Variants in FGF7 observed in about 807,000 individuals in gnomAD.
FGF7 encodes the protein FGF-7.
A neutral mutation model predicts 20.5 loss-of-function variants in FGF7; 6 were observed. The ratio of observed to expected loss-of-function variants is 0.29; its 90% CI spans 0.16 to 0.58. The LOEUF (loss-of-function observed/expected upper bound fraction) is 0.58, where lower values mean the gene tolerates loss of function less well. FGF7 is among the 20% of genes least tolerant of loss of function. The pLI, the probability that FGF7 is intolerant of heterozygous loss-of-function variation, is 0.90. For synonymous variants in FGF7, 64 were observed against 74.7 expected (o/e 0.86, Z 0.74); for missense variants, 144 against 228.8 (o/e 0.63, Z 2.39).
intron 2 of FGF7, among the ~76,000 whole-genome samples, chr15:49,442,873 C>T (rs550503614): frequency 6.6e-6 from 1 of 151,838 alleles, no homozygotes; most frequent in African/African-American, 2.4e-5. Flanking sequence ...CAAATATGTG[C>T]TGCTCACACC....
intron 2 of FGF7, among the ~76,000 whole-genome samples, chr15:49,479,696 C>T (rs953347728): frequency 4.8e-5 from 7 of 145,208 alleles, no homozygotes; most frequent in Admixed American, 3.5e-4. Flanking sequence ...TCACTGCAAC[C>T]TCCGCCTCCC....
rs546573325 is a variant in FGF7, at chr15:49,469,648, C to A, written c.287-13503C>A. ...TATTTACTTAAATTCCTTGATTTTA[C>A]TATAAGGCAGACAAAAAGTAGCCAA... On this transcript the variant is annotated intron_variant, in intron 2 of 3. Transcript: ENST00000267843. Among the ~76,000 whole-genome samples the A allele has an allele frequency of 8.7e-4, 132 of 152,142 alleles. 5 individuals are homozygous for A. In the South Asian group the frequency reaches 0.026, roughly 30 times the overall value.
At position 49,488,373 on chromosome 15, in the gene FGF7, T is replaced by C. The variant is rs1255809278; in HGVS notation, c.*3869T>C. 3 of 151,972 alleles carry C rather than the reference T, an allele frequency of 2.0e-5. No homozygotes were observed. Among genetic ancestry groups the C allele is most frequent in the African/African-American group, 7.2e-5 (3 of 41,418 alleles). The allele number at this position is 151,972 out of a possible 1,614,324, so 9.4% of individuals were successfully genotyped here. ...GGGACACATATACTCCCACCTATCC[T>C]TTAATTTTGAATGGTTTGTCAGGAA... On this transcript the variant is annotated 3_prime_UTR_variant, in exon 4 of 4. Transcript: ENST00000267843.
At chr15:49,460,587 GCC>G (rs2053703640) in intron 2 of FGF7, among the ~76,000 whole-genome samples, 1 of 152,102 alleles carries the variant, frequency 6.6e-6, no homozygotes, top group African/African-American at 2.4e-5. Context: ...GGGAGTACTG[GCC>G]AATCCCAAAA....
At chr15:49,451,502 A>ATATAAATACTAAAATTTTAGTAAAGT (rs1341559081) in intron 2 of FGF7, among the ~76,000 whole-genome samples, 1 of 152,072 alleles carries the variant, frequency 6.6e-6, no homozygotes, top group African/African-American at 2.4e-5. Flanking sequence ...AACATCAACA[A>ATATAAATACTAAAATTTTAGTAAAGT]TGAGATTAAA....
chr15:49,476,981 A>G (rs1334512662), intron 2 of FGF7, among the ~76,000 whole-genome samples: 1 of 151,262 alleles, frequency 6.6e-6, no homozygotes, highest in Non-Finnish European at 1.5e-5. Context: ...AATGGTGCAA[A>G]CCTGGGAGGC....
intron 2 of FGF7, among the ~76,000 whole-genome samples, chr15:49,475,260 GTTTA>G (rs2081668543): frequency 1.3e-5 from 2 of 152,172 alleles, no homozygotes; most frequent in Non-Finnish European, 1.5e-5. Flanking sequence ...GCAATTAGGA[GTTTA>G]TTCATGAGTT....
At position 49,484,725 on chromosome 15, in the gene FGF7, A is replaced by T. The variant is rs2056262709; in HGVS notation, c.*221A>T. On this transcript the variant is annotated 3_prime_UTR_variant, in exon 4 of 4. Transcript: ENST00000267843. ...GTATACACAAAAATCAGATTTAGTA[A>T]CTAAAGGTTGTAAAAAATTGTAAAA... The T allele has an allele frequency of 2.7e-6, 1 of 369,272 alleles. No homozygotes were observed. Among genetic ancestry groups the T allele is most frequent in the African/African-American group, 2.1e-5 (1 of 47,806 alleles). The allele number at this position is 369,272 out of a possible 1,614,324, so 22.9% of individuals were successfully genotyped here. A position where few individuals can be genotyped will look rare whatever the true frequency, so the allele number is the denominator to read the frequency against.
At chr15:49,464,158 G>A (rs903789406) in intron 2 of FGF7, among the ~76,000 whole-genome samples, 3 of 152,138 alleles carry the variant, frequency 2.0e-5, no homozygotes, top group African/African-American at 4.8e-5. Context: ...TTTTCTAAAC[G>A]AGGGTGTAGG....
rs1452638071 is a variant in FGF7 at position 49,486,480 on chromosome 15, T to C, written c.*1976T>C. On this transcript the variant is annotated 3_prime_UTR_variant, in exon 4 of 4. Transcript: ENST00000267843. ...TGTGTTTCCTTAGTGCCTAGCAGAC[T>C]ATCTGTTCATAATCAGTTTTCAGTG... 6.6e-6 allele frequency: 1 copy of C among 152,030 alleles called. No homozygotes were observed. The highest frequency in any genetic ancestry group is 1.5e-5 in the Non-Finnish European group (1 of 67,932). The allele number at this position is 152,030 out of a possible 1,614,324, so 9.4% of individuals were successfully genotyped here. A position where few individuals can be genotyped will look rare whatever the true frequency, so the allele number is the denominator to read the frequency against.
At chr15:49,426,210 A>T (rs2050119980) in intron 2 of FGF7, among the ~76,000 whole-genome samples, 1 of 151,850 alleles carries the variant, frequency 6.6e-6, no homozygotes, top group African/African-American at 2.4e-5. Flanking sequence ...ATAGGTACAG[A>T]TGATTTCCAT....
At chr15:49,431,414 G>C (rs536349704) in intron 2 of FGF7, among the ~76,000 whole-genome samples, 1 of 151,926 alleles carries the variant, frequency 6.6e-6, no homozygotes, top group South Asian at 2.1e-4. Context: ...GTGTATGAAA[G>C]GGTTTGTGTA....
At chr15:49,478,598 G>A (rs1370286766) in intron 2 of FGF7, among the ~76,000 whole-genome samples, 3 of 151,980 alleles carry the variant, frequency 2.0e-5, no homozygotes, top group Non-Finnish European at 4.4e-5. Context: ...GCCAAAGAGG[G>A]TATATTTGAT....
chr15:49,441,309 A>G (rs1395785739), intron 2 of FGF7, among the ~76,000 whole-genome samples: 3 of 151,824 alleles, frequency 2.0e-5, no homozygotes, highest in African/African-American at 7.2e-5. Context: ...CTGCAGTGTT[A>G]TAGGCTCATT....
At chr15:49,452,720 T>C (rs1263343586) in intron 2 of FGF7, among the ~76,000 whole-genome samples, 2 of 152,162 alleles carry the variant, frequency 1.3e-5, no homozygotes, top group African/African-American at 4.8e-5. Context: ...TCTTGGTTTC[T>C]TTATTGGGTG....
chr15:49,449,182 T>C (rs2052499341), intron 2 of FGF7, among the ~76,000 whole-genome samples: 1 of 151,984 alleles, frequency 6.6e-6, no homozygotes. Context: ...TTACTAAGTC[T>C]AAGTTTTTCT....
chr15:49,436,420 C>T (rs2051110638), intron 2 of FGF7, among the ~76,000 whole-genome samples: 1 of 151,484 alleles, frequency 6.6e-6, no homozygotes, highest in Non-Finnish European at 1.5e-5. Context: ...TTTATCAACA[C>T]AAGCTGGTTA....
At chr15:49,465,913 T>C (rs2054226638) in intron 2 of FGF7, among the ~76,000 whole-genome samples, 1 of 152,198 alleles carries the variant, frequency 6.6e-6, no homozygotes, top group Non-Finnish European at 1.5e-5. Context: ...TGTCATTTAT[T>C]GAGGGTGTGT....
chr15:49,454,850 C>A (rs534776395), intron 2 of FGF7, among the ~76,000 whole-genome samples: 3 of 152,236 alleles, frequency 2.0e-5, no homozygotes, highest in South Asian at 4.1e-4. Context: ...ACCTCGTGAT[C>A]CGCTCGCCTC....
Sources: allele counts gnomAD v4.1 joint callset (sites outside exome capture counted in the v4.1 genomes callset), GRCh38; gene constraint gnomAD v4.1.1; transcripts MANE v1.5; gene names NCBI Gene and HGNC (gene_info 2026-07-23, HGNC 2026-07-21).